The following PTPRN2 variants were observed in gnomAD, a reference collection of about 807,000 sequenced individuals.
The protein encoded by PTPRN2 is protein tyrosine phosphatase receptor type N2, also known as receptor-type tyrosine-protein phosphatase N2.
A neutral mutation model predicts 118.8 loss-of-function variants in PTPRN2; 74 were observed. The observed-to-expected ratio is 0.62, with a 90% CI of 0.52 to 0.76. PTPRN2 has a LOEUF of 0.76. PTPRN2 is among the 30% of genes least tolerant of loss of function. PTPRN2 has a pLI of 0.00. For synonymous variants in PTPRN2, 641 were observed against 608.0 expected, an observed-to-expected ratio of 1.05 and a Z score of -0.80; for missense variants, 1,481 against 1,394.4, an observed-to-expected ratio of 1.06 and a Z score of -0.99.
chr7:157,654,644 G>A, intron 14 of PTPRN2, among the ~76,000 whole-genome samples: 1 of 152,222 alleles, frequency 6.6e-6, no homozygotes, highest in East Asian at 1.9e-4. Flanking sequence ...TCCGCCAGGT[G>A]GAGGCTGAGT....
intron 15 of PTPRN2, chr7:157,614,029 A>G (rs766019014): frequency 3.6e-5 from 17 of 471,252 alleles, no homozygotes; most frequent in Non-Finnish European, 7.5e-5. Flanking sequence ...AAGCAACGGG[A>G]TGCCTTGGAA....
In PTPRN2 at chr7:157,977,972, T is replaced by A. The variant is rs917487726; in HGVS notation, c.1724-79235A>T. 6.6e-6 allele frequency among the ~76,000 whole-genome samples: 1 copy of A among 151,890 alleles called. No individual in the cohort carries two copies. The highest frequency in any genetic ancestry group is 1.5e-5 in the Non-Finnish European group (1 of 67,918). Reference sequence around the variant, plus strand: ...AGCAGGCTCAGGCACCTTTGGTAACTAGGCCCACAACAGATCCTGAACTCC... The same window carrying A: ...AGCAGGCTCAGGCACCTTTGGTAACAAGGCCCACAACAGATCCTGAACTCC... On this transcript the variant is annotated intron_variant, in intron 11 of 22. Transcript: ENST00000389418. This position sits in a 1 kb window ranked among gnomAD's most constrained non-coding sequence, Gnocchi z 4.6.
intron 12 of PTPRN2, among the ~76,000 whole-genome samples, chr7:157,816,335 G>T (rs1021104528): frequency 7.9e-5 from 12 of 152,150 alleles, no homozygotes; most frequent in African/African-American, 2.9e-4. Flanking sequence ...AATGAGTGAT[G>T]GGTTCCACCC....
At chr7:157,792,373 T>C (rs543639072) in intron 12 of PTPRN2, among the ~76,000 whole-genome samples, 1 of 152,332 alleles carries the variant, frequency 6.6e-6, no homozygotes, top group East Asian at 1.9e-4. Flanking sequence ...GGGCCACCTC[T>C]CCTGGGTCCC....
At chr7:157,682,049 A>G (rs1563339088) in intron 13 of PTPRN2, among the ~76,000 whole-genome samples, 2 of 152,236 alleles carry the variant, frequency 1.3e-5, no homozygotes, top group Admixed American at 6.5e-5. Flanking sequence ...CCGAAGGCCT[A>G]TGTTCATTAC....
chr7:158,331,276 A>T (rs7794672), intron 2 of PTPRN2, among the ~76,000 whole-genome samples: 2 of 53,756 alleles, frequency 3.7e-5, no homozygotes, highest in Non-Finnish European at 7.9e-5. Context: ...AAGAGCTGAC[A>T]CCCGCAGACG....
At chr7:157,838,937 C>T (rs1808171052) in intron 12 of PTPRN2, among the ~76,000 whole-genome samples, 1 of 136,922 alleles carries the variant, frequency 7.3e-6, no homozygotes, top group Non-Finnish European at 1.5e-5. Context: ...GAAAGCTCCT[C>T]TCCACTGTGG....
intron 3 of PTPRN2, among the ~76,000 whole-genome samples, chr7:158,264,678 G>T (rs76347404): frequency 0.037 from 5,574 of 152,228 alleles, 147 homozygotes; most frequent in East Asian, 0.11. Context: ...AAGGCCGGGA[G>T]CCAGGAGCCG....
intron 14 of PTPRN2, among the ~76,000 whole-genome samples, chr7:157,643,192 C>T (rs62476813): frequency 0.089 from 13,547 of 152,304 alleles, 646 homozygotes; most frequent in East Asian, 0.17. Flanking sequence ...CCACTTGTCT[C>T]GCTGGGGCCA....
intron 9 of PTPRN2, among the ~76,000 whole-genome samples, chr7:158,122,630 G>A (rs1817265249): frequency 6.6e-6 from 1 of 152,198 alleles, no homozygotes; most frequent in Non-Finnish European, 1.5e-5. Flanking sequence ...ACACAGCGGT[G>A]GGATCTGGCA....
chr7:157,793,300 G>A (rs1158553456), intron 12 of PTPRN2, among the ~76,000 whole-genome samples: 1 of 152,222 alleles, frequency 6.6e-6, no homozygotes, highest in Non-Finnish European at 1.5e-5. Flanking sequence ...TACGTGAGAT[G>A]GCAGAGGTTG....
At chr7:158,232,856 AG>A (rs1180362670) in intron 3 of PTPRN2, among the ~76,000 whole-genome samples, 1 of 152,224 alleles carries the variant, frequency 6.6e-6, no homozygotes. Context: ...ATGCTAAAAA[AG>A]CATTTGATAA....
intron 6 of PTPRN2, among the ~76,000 whole-genome samples, chr7:158,164,882 T>A (rs1470397767): frequency 6.6e-6 from 1 of 152,120 alleles, no homozygotes; most frequent in Non-Finnish European, 1.5e-5. Context: ...ACCTCAGCCA[T>A]GTATTCACCG....
At chr7:158,357,161 A>C (rs984996813) in intron 2 of PTPRN2, among the ~76,000 whole-genome samples, 2 of 152,266 alleles carry the variant, frequency 1.3e-5, no homozygotes, top group African/African-American at 4.8e-5. Context: ...AATGATGTGA[A>C]CACGGGGCTT....
intron 2 of PTPRN2, among the ~76,000 whole-genome samples, chr7:158,339,627 A>G (rs1238267393): frequency 2.1e-3 from 27 of 13,092 alleles, no homozygotes; most frequent in Middle Eastern, 0.045. Flanking sequence ...GACACCTGCA[A>G]ACGTCACTCA....
chr7:157,603,955 G>A lies in PTPRN2; in HGVS notation c.2418+47C>T, dbSNP rs543878962. On this transcript the variant is annotated intron_variant, in intron 16 of 22. Transcript: ENST00000389418. This position sits in a 1 kb window ranked among gnomAD's most constrained non-coding sequence, Gnocchi z 5.4. The stretch of plus-strand genomic sequence containing the variant: ...TTCCCACGTGATTTGCCGCGTCCGT[G>A]CCACCCAAGGGAAAGCCTGGGGCCC... The A allele has an allele frequency of 3.9e-4, 599 of 1,552,552 alleles. 16 individuals carry two copies. The South Asian group carries it at 6.5e-3, about 17-fold the overall frequency.
rs572340120 is a variant in PTPRN2 at position 157,808,790 on chromosome 7, T to C, written c.1788+89883A>G. 6.6e-6 allele frequency among the ~76,000 whole-genome samples: 1 copy of C among 152,218 alleles called. No individual in the cohort carries two copies. Among genetic ancestry groups the C allele is most frequent in the Non-Finnish European group, 1.5e-5 (1 of 68,044 alleles). ...GTGCCAAAAAGAGTATGGACCGCTG[T>C]CCTGGACAAACCCTGGGCCTGGAAT... is the stretch of plus-strand genomic sequence containing the variant. On this transcript the variant is annotated intron_variant, in intron 12 of 22. Transcript: ENST00000389418. This position sits in a 1 kb window ranked among gnomAD's most constrained non-coding sequence, Gnocchi z 5.0.
intron 12 of PTPRN2, among the ~76,000 whole-genome samples, chr7:157,727,134 A>C (rs923933149): frequency 1.3e-5 from 2 of 152,210 alleles, no homozygotes; most frequent in African/African-American, 4.8e-5. Context: ...CTGGGTGTCC[A>C]TGGAGAACAA....
intron 1 of PTPRN2, among the ~76,000 whole-genome samples, chr7:158,518,819 T>C (rs2129447548): frequency 6.6e-6 from 1 of 152,208 alleles, no homozygotes; most frequent in Non-Finnish European, 1.5e-5. Context: ...ACCCCGTCTC[T>C]ATAAAAAGTA....
Sources: allele counts gnomAD v4.1 joint callset (sites outside exome capture counted in the v4.1 genomes callset), GRCh38; gene constraint gnomAD v4.1.1; non-coding constraint Gnocchi (gnomAD v3.1); transcripts MANE v1.5; gene names NCBI Gene and HGNC (gene_info 2026-07-23, HGNC 2026-07-21).